UBE2V2: variants seen among roughly 807,000 people sequenced by gnomAD.
UBE2V2 encodes ubiquitin-conjugating enzyme E2 variant 2.
Under a neutral mutation model 17.2 loss-of-function variants are expected in UBE2V2, and 9 were observed. The ratio of observed to expected loss-of-function variants is 0.52; its 90% CI spans 0.32 to 0.91. The LOEUF (loss-of-function observed/expected upper bound fraction) is 0.91. Among genes scored for constraint, UBE2V2 ranks in the 40% least tolerant of loss-of-function variants. UBE2V2 has a pLI of 0.04. For synonymous variants in UBE2V2, 61 were observed against 57.5 expected (o/e 1.06, Z -0.28); for missense variants, 133 against 182.6 (o/e 0.73, Z 1.56).
chr8:48,002,064 G>C, the UBE2V2 span, among the ~76,000 whole-genome samples: 1 of 151,918 alleles, frequency 6.6e-6, no homozygotes, highest in African/African-American at 2.4e-5. Flanking sequence ...ATGCCAGCCT[G>C]GGAAACGAGT....
At chr8:48,038,454 T>C (rs916370295) in intron 1 of UBE2V2, among the ~76,000 whole-genome samples, 8 of 151,994 alleles carry the variant, frequency 5.3e-5, no homozygotes, top group African/African-American at 1.7e-4. Flanking sequence ...TAGCTGGGAC[T>C]ACAGGTGCGC....
At chr8:48,025,748 C>T (rs1367830567) in intron 1 of UBE2V2, among the ~76,000 whole-genome samples, 5 of 151,936 alleles carry the variant, frequency 3.3e-5, no homozygotes, top group African/African-American at 4.8e-5. Flanking sequence ...TATAGGCACC[C>T]GCCACCACGA....
rs1585451960 is a variant in UBE2V2 at position 48,063,207 on chromosome 8, C to G, written c.*2379C>G. On this transcript the variant is annotated 3_prime_UTR_variant, in exon 4 of 4. Transcript: ENST00000523111. Reference sequence around the variant, plus strand: ...GTCAGCCCTATAATGTTCATTTCCCCTCTTGTTTGTGGGATTATGGATCTC... The same window carrying G: ...GTCAGCCCTATAATGTTCATTTCCCGTCTTGTTTGTGGGATTATGGATCTC... The G allele has an allele frequency of 1.3e-5, 2 of 152,340 alleles. No individual in the cohort carries two copies. Among genetic ancestry groups the G allele is most frequent in the Admixed American group, 1.3e-4 (2 of 15,292 alleles). 9.4% of individuals were successfully genotyped at this position (152,340 alleles called of 1,614,324 possible).
At chr8:48,015,094 G>A (rs1333599015) in intron 1 of UBE2V2, among the ~76,000 whole-genome samples, 1 of 149,518 alleles carries the variant, frequency 6.7e-6, no homozygotes, top group Non-Finnish European at 1.5e-5. Flanking sequence ...AGAGTAGCTT[G>A]AGGCTGGGTG....
At position 48,061,853 on chromosome 8, in the gene UBE2V2, T is replaced by C. The variant is rs1802600930; in HGVS notation, c.*1025T>C. 6.6e-6 allele frequency: 1 copy of C among 152,192 alleles called. No individual in the cohort carries two copies. The highest frequency in any genetic ancestry group is 1.5e-5 in the Non-Finnish European group (1 of 68,032). 9.4% of individuals were successfully genotyped at this position (152,192 alleles called of 1,614,324 possible). ...CTGGCAGTTCTTTTAGGATTATAGG[T>C]TGCAAATTATCCAAATATATATCCC... On this transcript the variant is annotated 3_prime_UTR_variant, in exon 4 of 4. Transcript: ENST00000523111.
the UBE2V2 span, among the ~76,000 whole-genome samples, chr8:48,003,124 C>T: frequency 1.3e-5 from 2 of 151,264 alleles, no homozygotes; most frequent in Admixed American, 1.3e-4. Flanking sequence ...GCAGGAGAAT[C>T]GCTTGAACTC....
rs781357898 is a variant in UBE2V2 at position 48,043,076 on chromosome 8, A to G, written c.60A>G (p.Glu20=). The G allele has an allele frequency of 6.3e-7, 1 of 1,590,404 alleles. No homozygotes were observed. Among genetic ancestry groups the G allele is most frequent in the African/African-American group, 1.3e-5 (1 of 74,282 alleles). ...ATTTTCGCTTGTTGGAAGAACTTGA[A>G]GAAGGACAAAAAGGAGTAGGCGACG... The part of the protein sequence containing the change: ...PRNFRLLEEL[E]EGQKGVGDGT... Residue 20 remains glutamate (E), a synonymous_variant, in exon 2 of 4, where the codon GAA becomes GAG. Transcript: ENST00000523111.
At chr8:48,028,835 T>C (rs934105727) in intron 1 of UBE2V2, among the ~76,000 whole-genome samples, 2 of 152,178 alleles carry the variant, frequency 1.3e-5, no homozygotes, top group Non-Finnish European at 2.9e-5. Context: ...TGTTGAGTTA[T>C]CGGAGTTCTT....
chr8:48,007,124 G>A (rs112117322), upstream of UBE2V2, among the ~76,000 whole-genome samples: 4,308 of 151,574 alleles, frequency 0.028, 208 homozygotes, highest in African/African-American at 0.097. Context: ...TTCTGACCTC[G>A]TGATCCGCCC....
At chr8:48,046,544 G>A (rs189180496) in intron 2 of UBE2V2, among the ~76,000 whole-genome samples, 4 of 152,258 alleles carry the variant, frequency 2.6e-5, no homozygotes, top group East Asian at 1.9e-4. Flanking sequence ...GTGAGCCGCC[G>A]TGCCCGGTTG....
intron 1 of UBE2V2, among the ~76,000 whole-genome samples, chr8:48,038,097 A>C (rs938010516): frequency 6.6e-6 from 1 of 152,058 alleles, no homozygotes; most frequent in Non-Finnish European, 1.5e-5. Context: ...CACCCGTCCA[A>C]TCCTCCCTTT....
intron 2 of UBE2V2, among the ~76,000 whole-genome samples, chr8:48,045,681 C>T (rs1423408422): frequency 1.3e-5 from 2 of 152,112 alleles, no homozygotes; most frequent in Non-Finnish European, 2.9e-5. Flanking sequence ...CTTTGAGTGC[C>T]AGGCAGAGGT....
At position 48,047,794 on chromosome 8, in the gene UBE2V2, C is replaced by T. The variant is rs567677950; in HGVS notation, c.166-2059C>T. ...AACTCCTGACCTCAGGCAGTCTGCC[C>T]GCCTTTGGCCTCCCAAAGGGCTGGG... On this transcript the variant is annotated intron_variant, in intron 2 of 3. Coordinates refer to ENST00000523111, the MANE Select transcript of UBE2V2 (RefSeq NM_003350.3). 9.2e-5 allele frequency among the ~76,000 whole-genome samples: 14 copies of T among 152,172 alleles called. No individual in the cohort carries two copies. In the South Asian group the frequency reaches 1.5e-3, roughly 16 times the overall value.
intron 3 of UBE2V2, among the ~76,000 whole-genome samples, chr8:48,053,766 G>T (rs2091554785): frequency 6.6e-6 from 1 of 150,676 alleles, no homozygotes; most frequent in African/African-American, 2.4e-5. Flanking sequence ...ATTATAAATA[G>T]AGTTAATTCT....
rs889943348 is a variant in UBE2V2 at position 48,062,040 on chromosome 8, A to G, written c.*1212A>G. On this transcript the variant is annotated 3_prime_UTR_variant, in exon 4 of 4. Transcript: ENST00000523111. ...GTATTCTCTACTCTAACAAATATGA[A>G]CTCTGAAGTTGAAAAGTCATTTATG... The G allele has an allele frequency of 2.6e-5, 4 of 152,140 alleles. No individual in the cohort carries two copies. Among genetic ancestry groups the G allele is most frequent in the Admixed American group, 1.3e-4 (2 of 15,260 alleles). The allele number at this position is 152,140 out of a possible 1,614,324, so 9.4% of individuals were successfully genotyped here.
intron 1 of UBE2V2, among the ~76,000 whole-genome samples, chr8:48,009,153 A>G (rs1209593571): frequency 1.3e-5 from 2 of 152,246 alleles, no homozygotes; most frequent in African/African-American, 2.4e-5. Context: ...TGAGCACACA[A>G]GTATTAACGT....
chr8:48,014,668 G>T (rs2091256293), intron 1 of UBE2V2, among the ~76,000 whole-genome samples: 1 of 148,524 alleles, frequency 6.7e-6, no homozygotes, highest in South Asian at 2.1e-4. Context: ...AAAAAAATGT[G>T]CAGGAAAATG....
Position 48,060,894 on chromosome 8 carries a change from T to C in UBE2V2, c.*66T>C. The C allele has an allele frequency of 7.5e-7, 1 of 1,338,958 alleles. No individual in the cohort carries two copies. The highest frequency in any genetic ancestry group is 2.7e-5 in the East Asian group (1 of 36,872). The allele number at this position is 1,338,958 out of a possible 1,614,324, so 82.9% of individuals were successfully genotyped here. ...TACTCATGTTAATGTCTTGATTAAA[T>C]ATCACAATGCAAAATACACATTAAG... On this transcript the variant is annotated 3_prime_UTR_variant, in exon 4 of 4. Coordinates refer to ENST00000523111, the MANE Select transcript of UBE2V2 (RefSeq NM_003350.3).
intron 1 of UBE2V2, among the ~76,000 whole-genome samples, chr8:48,017,992 T>C (rs2091281835): frequency 6.6e-6 from 1 of 151,808 alleles, no homozygotes; most frequent in South Asian, 2.1e-4. Context: ...CACGCCACCA[T>C]ACCTGGCTAA....
Sources: gnomAD v4.1 joint callset for allele counts (sites outside exome capture counted in the v4.1 genomes callset) on GRCh38, gnomAD v4.1.1 for gene constraint, MANE v1.5 for transcripts, NCBI Gene and HGNC (gene_info 2026-07-23, HGNC 2026-07-21) for gene names.